LARP1: variants seen among roughly 807,000 people sequenced by gnomAD.
LARP1 encodes the protein la-related protein 1.
LARP1 carries 36 observed loss-of-function variants against 122.7 expected under a neutral mutation model. The ratio of observed to expected loss-of-function variants is 0.29; its 90% confidence interval spans 0.22 to 0.39. LARP1 has a LOEUF of 0.39. Ranked by LOEUF, LARP1 falls within the 10% of genes least tolerant of loss-of-function variation. LARP1 has a pLI of 1.00. For synonymous variants in LARP1, 539 were observed against 528.7 expected, an observed-to-expected ratio of 1.02 and a Z score of -0.27; for missense variants, 1,040 against 1,403.6, an observed-to-expected ratio of 0.74 and a Z score of 4.14.
chr5:154,724,384 T>TGAAGTC (rs1756069355), intron 1 of LARP1, among the ~76,000 whole-genome samples: 1 of 152,326 alleles, frequency 6.6e-6, no homozygotes, highest in East Asian at 1.9e-4. Context: ...GTCAAGGGAC[T>TGAAGTC]TTTAGGCAAG....
intron 1 of LARP1, among the ~76,000 whole-genome samples, chr5:154,684,765 A>G (rs1274708462): frequency 6.6e-6 from 1 of 152,146 alleles, no homozygotes; most frequent in Non-Finnish European, 1.5e-5. Flanking sequence ...AAATCAAATA[A>G]TACTTCCTTA....
At chr5:154,762,146 G>A (rs1011686137) in intron 1 of LARP1, among the ~76,000 whole-genome samples, 1 of 152,128 alleles carries the variant, frequency 6.6e-6, no homozygotes, top group Non-Finnish European at 1.5e-5. Context: ...AGGAGGCTGA[G>A]GCAGGAGAAT....
upstream of LARP1, among the ~76,000 whole-genome samples, chr5:154,710,016 T>C (rs752866129): frequency 1.5e-4 from 23 of 152,132 alleles, no homozygotes; most frequent in Non-Finnish European, 3.1e-4. Flanking sequence ...CAGTTCACAA[T>C]AGGGTTCAGG....
chr5:154,732,176 A>AAACAG (rs370401964), intron 1 of LARP1, among the ~76,000 whole-genome samples: 16 of 42,994 alleles, frequency 3.7e-4, no homozygotes, highest in African/African-American at 6.7e-4. Flanking sequence ...AAACAAAACA[A>AAACAG]AACAAAACAA....
At chr5:154,683,699 A>G (rs1753795284) in intron 1 of LARP1, among the ~76,000 whole-genome samples, 1 of 152,178 alleles carries the variant, frequency 6.6e-6, no homozygotes. Flanking sequence ...GGCATTTCCC[A>G]AAGTCACATG....
At chr5:154,798,436 A>G (rs566621663) in intron 8 of LARP1, among the ~76,000 whole-genome samples, 7 of 152,254 alleles carry the variant, frequency 4.6e-5, no homozygotes, top group African/African-American at 1.7e-4. Context: ...TAATAGAAAG[A>G]TATTCCTCAT....
At chr5:154,793,341 C>T (rs1757484705) in intron 4 of LARP1, among the ~76,000 whole-genome samples, 1 of 152,134 alleles carries the variant, frequency 6.6e-6, no homozygotes, top group Non-Finnish European at 1.5e-5. Context: ...ATGTGTCTGA[C>T]TCCAGAAGGG....
intron 1 of LARP1, among the ~76,000 whole-genome samples, chr5:154,759,508 T>G (rs1754273082): frequency 6.6e-6 from 1 of 152,236 alleles, no homozygotes; most frequent in Non-Finnish European, 1.5e-5. Flanking sequence ...GTGAGATGAA[T>G]TTTAAAAAAA....
chr5:154,751,865 A>G (rs1049186927), upstream of LARP1, among the ~76,000 whole-genome samples: 1 of 152,230 alleles, frequency 6.6e-6, no homozygotes, highest in African/African-American at 2.4e-5. Context: ...TCAGGCATGC[A>G]CTGGGATAAG....
At chr5:154,748,169 G>A (rs1753302622) in intron 1 of LARP1, among the ~76,000 whole-genome samples, 1 of 152,116 alleles carries the variant, frequency 6.6e-6, no homozygotes, top group African/African-American at 2.4e-5. Flanking sequence ...TTTCCAGTTT[G>A]CTAAAGTTAG....
At chr5:154,732,862 CT>C (rs532664056) in intron 1 of LARP1, among the ~76,000 whole-genome samples, 152 of 152,298 alleles carry the variant, frequency 1.0e-3, no homozygotes, top group African/African-American at 3.4e-3. Context: ...CATAATCATT[CT>C]TTTGAGATAA....
chr5:154,804,118 C>T lies in LARP1; in HGVS notation c.2440-83C>T. 2.5e-5 allele frequency: 24 copies of T among 948,522 alleles called. No homozygotes were observed. In the Middle Eastern group the frequency reaches 8.6e-4, roughly 34 times the overall value. 58.8% of individuals were successfully genotyped at this position (948,522 alleles called of 1,614,324 possible). ...CTGTTGTAAAATGTGAGAGATCATG[C>T]CCATCTTAGTCCTACAAGTGCTTGA... On this transcript the variant is annotated intron_variant, in intron 13 of 18. Coordinates refer to ENST00000518297, the MANE Select transcript of LARP1 (RefSeq NM_033551.3).
chr5:154,812,587 T>C (rs181870701), intron 18 of LARP1, among the ~76,000 whole-genome samples: 1 of 141,204 alleles, frequency 7.1e-6, no homozygotes, highest in Admixed American at 8.0e-5. Flanking sequence ...TGGCACGATC[T>C]TGGCTCACTG....
chr5:154,804,288 C>A lies in LARP1; in HGVS notation c.2527C>A (p.Pro843Thr). 6.2e-7 allele frequency: 1 copy of A among 1,613,848 alleles called. No individual in the cohort carries two copies. The highest frequency in any genetic ancestry group is 8.5e-7 in the Non-Finnish European group (1 of 1,179,716). ...GGTGATGGATTCCCGTGAGCACAGGCCCCGTACTGCTTCCATCAGGTACCT... is the reference window on the plus strand; with the variant it reads ...GGTGATGGATTCCCGTGAGCACAGGACCCGTACTGCTTCCATCAGGTACCT... ...GWVMDSREHR[P>T]RTASISSSPS... Residue 843 changes from proline (P) to threonine (T), a missense_variant, in exon 14 of 19, where the codon CCC becomes ACC. Physicochemically the swap from Pro to Thr is conservative, Grantham distance 38. Coordinates refer to ENST00000518297, the MANE Select transcript of LARP1 (RefSeq NM_033551.3).
At chr5:154,693,869 A>G (rs7736216) in intron 1 of LARP1, among the ~76,000 whole-genome samples, 84,223 of 146,054 alleles carry the variant, frequency 0.58, 25,173 homozygotes, top group Non-Finnish European at 0.67. Flanking sequence ...AAAAAAAAAA[A>G]AAAGAAAGAA....
chr5:154,756,115 C>A lies in LARP1; in HGVS notation c.358C>A (p.Pro120Thr). 1 of 1,239,404 alleles carries A rather than the reference C, an allele frequency of 8.1e-7. No homozygotes were observed. The highest frequency in any genetic ancestry group is 3.0e-5 in the Admixed American group (1 of 33,564). 76.8% of individuals were successfully genotyped at this position (1,239,404 alleles called of 1,614,324 possible). Residue 120 changes from proline to threonine, a missense_variant, in exon 1 of 19, where the codon CCC becomes ACC. By Grantham distance (38) the Pro-to-Thr change is conservative. Transcript: ENST00000518297. The stretch of plus-strand genomic sequence containing the variant: ...GGGGCGCCGGGACTTCGTGGAAGCC[C>A]CCCCGCCCAAGGTGAACCCGTGGAC... ...GAGRRDFVEA[P>T]PPKVNPWTKN...
chr5:154,808,337 A>G, intron 15 of LARP1, 122 bp from the exon 16 acceptor site: 1 of 1,179,690 alleles, frequency 8.5e-7, no homozygotes, highest in Non-Finnish European at 1.2e-6. Context: ...GTGGCAGATG[A>G]TGAGTGAGGG....
chr5:154,810,253 T>C (rs1362673368), intron 16 of LARP1, among the ~76,000 whole-genome samples: 2 of 151,128 alleles, frequency 1.3e-5, no homozygotes, highest in African/African-American at 4.9e-5. Flanking sequence ...CTGGCCAACA[T>C]GGTGAAGCCC....
At position 154,693,868 on chromosome 5, in the gene LARP1, AAAAAG is replaced by A. The variant is rs1356062291; in HGVS notation, c.-180+10835_-180+10839del. Among the ~76,000 whole-genome samples the A allele has an allele frequency of 3.6e-4, 54 of 150,700 alleles. No homozygotes were observed. The East Asian group carries it at 7.4e-3, about 21-fold the overall frequency. ...AAGACTCCGTCTAAAAAAAAAAAAA[AAAAAG>A]AAAGAAAGTTCTTTTCTCACCCCTA... On this transcript the variant is annotated intron_variant, in intron 1 of 18. Coordinates refer to the LARP1 transcript ENST00000687700.
Sources: gnomAD v4.1 joint callset for allele counts (sites outside exome capture counted in the v4.1 genomes callset) on GRCh38, gnomAD v4.1.1 for gene constraint, MANE v1.5 for transcripts, NCBI Gene and HGNC (gene_info 2026-07-23, HGNC 2026-07-21) for gene names.